The following CACNG3 variants were observed in gnomAD, a reference collection of about 807,000 sequenced individuals.
CACNG3 encodes the protein voltage-dependent calcium channel gamma-3 subunit.
CACNG3 carries 3 observed loss-of-function variants against 28.5 expected under a neutral mutation model. The ratio of observed to expected loss-of-function variants is 0.11; its 90% CI spans 0.05 to 0.27. CACNG3 has a LOEUF of 0.27. Ranked by LOEUF, CACNG3 falls within the 10% of genes least tolerant of loss-of-function variation. The pLI is 1.00. For synonymous variants in CACNG3, 174 were observed against 162.2 expected, an observed-to-expected ratio of 1.07 and a Z score of -0.55; for missense variants, 236 against 414.4, an observed-to-expected ratio of 0.57 and a Z score of 3.74.
intron 1 of CACNG3, among the ~76,000 whole-genome samples, chr16:24,330,907 G>A (rs977086864): frequency 6.6e-6 from 1 of 152,114 alleles, no homozygotes; most frequent in African/African-American, 2.4e-5. Context: ...TCCAGTGTTA[G>A]TAATACTAAG....
chr16:24,299,535 G>T (rs1453138945), intron 1 of CACNG3, among the ~76,000 whole-genome samples: 1 of 152,108 alleles, frequency 6.6e-6, no homozygotes, highest in East Asian at 1.9e-4. Context: ...CTGAGTGCTG[G>T]GTGTGCTCAT....
chr16:24,292,897 C>T (rs748657830), intron 1 of CACNG3, among the ~76,000 whole-genome samples: 5 of 152,082 alleles, frequency 3.3e-5, no homozygotes, highest in African/African-American at 1.2e-4. Context: ...CAGGAAAGAA[C>T]CAGAGAGGAT....
intron 1 of CACNG3, among the ~76,000 whole-genome samples, chr16:24,260,094 T>C (rs1341397558): frequency 6.6e-6 from 1 of 152,210 alleles, no homozygotes; most frequent in Non-Finnish European, 1.5e-5. Flanking sequence ...CAGTTTTCAT[T>C]TCTGTAGGTA....
intron 3 of CACNG3, among the ~76,000 whole-genome samples, chr16:24,357,161 G>T (rs1415036417): frequency 6.7e-6 from 1 of 150,188 alleles, no homozygotes; most frequent in African/African-American, 2.5e-5. Flanking sequence ...TTGAACCCAG[G>T]AGGCAGAGGT....
chr16:24,263,070 A>G (rs9940796), intron 1 of CACNG3, among the ~76,000 whole-genome samples: 12,464 of 152,288 alleles, frequency 0.082, 1,259 homozygotes, highest in East Asian at 0.3. Flanking sequence ...CTTTTAGTAC[A>G]GATTGAGGCC....
chr16:24,272,871 G>C (rs1328448428), intron 1 of CACNG3, among the ~76,000 whole-genome samples: 1 of 151,992 alleles, frequency 6.6e-6, no homozygotes, highest in Non-Finnish European at 1.5e-5. Flanking sequence ...AAGTTCAGGG[G>C]TACTTGTGCA....
intron 1 of CACNG3, among the ~76,000 whole-genome samples, chr16:24,327,570 T>C (rs1376794015): frequency 6.7e-6 from 1 of 149,580 alleles, no homozygotes; most frequent in Non-Finnish European, 1.5e-5. Context: ...CAGTGAGCTA[T>C]GATTGTACCG....
At chr16:24,272,119 CT>C (rs1365583733) in intron 1 of CACNG3, among the ~76,000 whole-genome samples, 1 of 105,762 alleles carries the variant, frequency 9.5e-6, no homozygotes, top group African/African-American at 3.4e-5. Context: ...TAATCTTTAA[CT>C]TTAAAAAAAA....
intron 1 of CACNG3, among the ~76,000 whole-genome samples, chr16:24,279,469 A>T (rs545752863): frequency 2.0e-5 from 3 of 151,522 alleles, no homozygotes; most frequent in South Asian, 2.1e-4. Flanking sequence ...AATTTTGTTT[A>T]TTATTATTAT....
chr16:24,278,842 T>G (rs1024817027), intron 1 of CACNG3, among the ~76,000 whole-genome samples: 1 of 152,152 alleles, frequency 6.6e-6, no homozygotes, highest in Admixed American at 6.5e-5. Flanking sequence ...ATGATATAAC[T>G]CCATGGCTTT....
At chr16:24,307,237 T>C (rs1899198009) in intron 1 of CACNG3, among the ~76,000 whole-genome samples, 1 of 152,180 alleles carries the variant, frequency 6.6e-6, no homozygotes, top group Admixed American at 6.5e-5. Context: ...TTCTCCTGCC[T>C]CAGCCTCCCA....
At chr16:24,320,974 C>T (rs1899447726) in intron 1 of CACNG3, among the ~76,000 whole-genome samples, 1 of 152,076 alleles carries the variant, frequency 6.6e-6, no homozygotes, top group Admixed American at 6.6e-5. Flanking sequence ...CTTGAATGGT[C>T]CTCTCACCTG....
intron 1 of CACNG3, among the ~76,000 whole-genome samples, chr16:24,273,555 T>C (rs1898716143): frequency 6.6e-6 from 1 of 152,206 alleles, no homozygotes; most frequent in African/African-American, 2.4e-5. Flanking sequence ...ACTAGACCAA[T>C]GTCTTCCATG....
intron 1 of CACNG3, among the ~76,000 whole-genome samples, chr16:24,259,378 T>G (rs546128309): frequency 6.6e-6 from 1 of 152,280 alleles, no homozygotes; most frequent in African/African-American, 2.4e-5. Context: ...TCACATGCAG[T>G]TGGTAGCATC....
intron 1 of CACNG3, among the ~76,000 whole-genome samples, chr16:24,343,986 G>A (rs1299219738): frequency 1.2e-4 from 18 of 151,968 alleles, no homozygotes; most frequent in South Asian, 2.1e-4. Context: ...CTACTCAGGC[G>A]GCTGAGGCAG....
intron 1 of CACNG3, among the ~76,000 whole-genome samples, chr16:24,342,063 T>G (rs942457835): frequency 6.6e-6 from 1 of 151,400 alleles, no homozygotes; most frequent in Non-Finnish European, 1.5e-5. Flanking sequence ...AGGTCAGGAG[T>G]TCAAGACCAG....
At chr16:24,356,033 C>T (rs1900027202) in intron 3 of CACNG3, among the ~76,000 whole-genome samples, 1 of 152,206 alleles carries the variant, frequency 6.6e-6, no homozygotes, top group Non-Finnish European at 1.5e-5. Flanking sequence ...TCCATCCCTT[C>T]ACTGGTGTCC....
chr16:24,334,841 C>T (rs1007822622), intron 1 of CACNG3, among the ~76,000 whole-genome samples: 5 of 152,148 alleles, frequency 3.3e-5, no homozygotes, highest in Admixed American at 1.3e-4. Context: ...TGGGTTAGCG[C>T]TCTGTGAGAA....
chr16:24,333,010 A>C (rs943854144), intron 1 of CACNG3, among the ~76,000 whole-genome samples: 1 of 152,206 alleles, frequency 6.6e-6, no homozygotes, highest in African/African-American at 2.4e-5. Context: ...TGTGATAGAC[A>C]CATCCAATGA....
Sources: allele counts gnomAD v4.1 joint callset (sites outside exome capture counted in the v4.1 genomes callset), GRCh38; gene constraint gnomAD v4.1.1; transcripts MANE v1.5; gene names NCBI Gene and HGNC (gene_info 2026-07-23, HGNC 2026-07-21).